Variants in GALNT13 observed in about 807,000 individuals in gnomAD.
GALNT13 encodes UDP-GalNAc:polypeptide N-acetylgalactosaminyltransferase 13.
In GALNT13, 28 loss-of-function variants were observed where a neutral mutation model predicts 64.2. The ratio of observed to expected loss-of-function variants is 0.44; its 90% CI spans 0.32 to 0.60. GALNT13 has a LOEUF of 0.60. Among genes scored for constraint, GALNT13 ranks in the 20% least tolerant of loss-of-function variants. The pLI is 0.05. For missense variants in GALNT13, 577 were observed against 669.8 expected (o/e 0.86, Z 1.53); for synonymous variants, 214 against 224.6 (o/e 0.95, Z 0.42).
chr2:153,723,298 A>G, the GALNT13 span, among the ~76,000 whole-genome samples: 28 of 150,600 alleles, frequency 1.9e-4, no homozygotes, highest in East Asian at 3.9e-4. Context: ...TTGATGGGAC[A>G]TATTTCAAAA....
chr2:154,381,882 T>C (rs184800419), intron 9 of GALNT13, among the ~76,000 whole-genome samples: 3 of 152,208 alleles, frequency 2.0e-5, no homozygotes, highest in East Asian at 1.9e-4. Flanking sequence ...ACCAGTGATT[T>C]TGAGATATGC....
rs984813225 is a variant in GALNT13 at position 154,443,164 on chromosome 2, A to G, written c.1530+4438A>G. ...AATTTACCTTTTGAAGGTTGTGTGC[A>G]TTACACAGTTATTACCTTTCCATAT... On this transcript the variant is annotated intron_variant, in intron 12 of 12. Coordinates refer to ENST00000392825, the MANE Select transcript of GALNT13 (RefSeq NM_052917.4). Among the ~76,000 whole-genome samples, 57 of 152,104 alleles carry G rather than the reference A, an allele frequency of 3.7e-4. 1 individual carries two copies. Among genetic ancestry groups the G allele is most frequent in the Admixed American group, 2.0e-4 (3 of 15,234 alleles).
At chr2:154,225,444 C>T (rs1425656511) in intron 4 of GALNT13, among the ~76,000 whole-genome samples, 1 of 151,940 alleles carries the variant, frequency 6.6e-6, no homozygotes, top group African/African-American at 2.4e-5. Context: ...TTTGGCAATA[C>T]CTAATAAAAC....
At chr2:153,418,921 TTGCTGTGGAGTAGTGAC>T in the GALNT13 span, among the ~76,000 whole-genome samples, 1 of 152,128 alleles carries the variant, frequency 6.6e-6, no homozygotes, top group Non-Finnish European at 1.5e-5. Flanking sequence ...GGAGAAAGAA[TTGCTGTGGAGTAGTGAC>T]TGCTATGTGC....
At chr2:154,231,142 G>A (rs1307888192) in intron 4 of GALNT13, among the ~76,000 whole-genome samples, 1 of 151,664 alleles carries the variant, frequency 6.6e-6, no homozygotes, top group Non-Finnish European at 1.5e-5. Flanking sequence ...CCTTTCTTTA[G>A]TTTTCCCTAC....
At chr2:154,336,762 T>A (rs892592329) in intron 9 of GALNT13, among the ~76,000 whole-genome samples, 1 of 152,048 alleles carries the variant, frequency 6.6e-6, no homozygotes, top group Non-Finnish European at 1.5e-5. Flanking sequence ...AAAGTTTTAA[T>A]GTCCTAATGC....
chr2:154,067,983 A>T (rs1212174123), intron 3 of GALNT13, among the ~76,000 whole-genome samples: 1 of 152,092 alleles, frequency 6.6e-6, no homozygotes, highest in East Asian at 1.9e-4. Flanking sequence ...ATTATAAACC[A>T]GAGTATATAA....
intron 8 of GALNT13, among the ~76,000 whole-genome samples, chr2:154,284,198 T>C (rs1692126636): frequency 6.6e-6 from 1 of 152,148 alleles, no homozygotes; most frequent in African/African-American, 2.4e-5. Context: ...CACCCTGCAG[T>C]GCAATAGATC....
At chr2:153,557,959 A>C in the GALNT13 span, among the ~76,000 whole-genome samples, 6 of 152,098 alleles carry the variant, frequency 3.9e-5, no homozygotes, top group African/African-American at 1.2e-4. Context: ...GGCATTCCCT[A>C]GGAAAGCCTT....
At chr2:154,389,808 CA>C (rs545078060) in intron 9 of GALNT13, among the ~76,000 whole-genome samples, 6 of 151,346 alleles carry the variant, frequency 4.0e-5, no homozygotes, top group South Asian at 2.1e-4. Context: ...TATATAGCAG[CA>C]AAAAAAATGT....
the GALNT13 span, among the ~76,000 whole-genome samples, chr2:153,425,137 C>A: frequency 6.6e-6 from 1 of 151,404 alleles, no homozygotes; most frequent in Non-Finnish European, 1.5e-5. Flanking sequence ...GAAACACAAA[C>A]TAAAGAATAG....
chr2:153,827,195 A>G, the GALNT13 span, among the ~76,000 whole-genome samples: 1 of 152,032 alleles, frequency 6.6e-6, no homozygotes, highest in Non-Finnish European at 1.5e-5. Context: ...CCCGCTTTTA[A>G]AACCATTAGA....
At chr2:154,370,085 ACT>A (rs1469875725) in intron 9 of GALNT13, among the ~76,000 whole-genome samples, 1 of 151,896 alleles carries the variant, frequency 6.6e-6, no homozygotes, top group Non-Finnish European at 1.5e-5. Context: ...CCTCTGAAAG[ACT>A]CTATTTTCAA....
rs866168720 is a variant in GALNT13 at position 154,409,026 on chromosome 2, C to T, written c.1339C>T (p.Arg447Cys). ...CAATCAGTGTTTAGACAACATGGGC[C>T]GCAAGGAAAATGAAAAAGTGGGTAT... ...ETNQCLDNMG[R>C]KENEKVGIFN... The change falls in exon 11 of 13, where the codon CGC (arginine) becomes TGC (cysteine). Residue 447 changes from arginine to cysteine, a missense_variant. By Grantham distance (180) the Arg-to-Cys change is radical. Around this residue, in one of 3 missense-constraint regions of GALNT13, gnomAD observed 232 missense variants for 270.6 expected, o/e 0.86. Coordinates refer to ENST00000392825, the MANE Select transcript of GALNT13 (RefSeq NM_052917.4). The T allele has an allele frequency of 6.2e-6, 10 of 1,611,230 alleles. No individual in the cohort carries two copies. The highest frequency in any genetic ancestry group is 2.2e-5 in the East Asian group (1 of 44,722).
Position 153,872,527 on chromosome 2 carries a change from A to G in GALNT13, c.-177+224A>G, listed in dbSNP as rs562065634. Reference sequence around the variant, plus strand: ...CGAGTGCGCTCGCTTGCGGGGCTGCAGGTGTTGCGGGAGGACCGCGTGGCG... The same window carrying G: ...CGAGTGCGCTCGCTTGCGGGGCTGCGGGTGTTGCGGGAGGACCGCGTGGCG... On this transcript the variant is annotated intron_variant, in intron 1 of 12. Transcript: ENST00000392825. Among the ~76,000 whole-genome samples, 237 of 147,972 alleles carry G rather than the reference A, an allele frequency of 1.6e-3. 1 individual carries two copies. The highest frequency in any genetic ancestry group is 5.3e-3 in the African/African-American group (214 of 40,252).
chr2:153,803,357 A>G, the GALNT13 span, among the ~76,000 whole-genome samples: 2 of 152,204 alleles, frequency 1.3e-5, 1 homozygote, highest in South Asian at 4.1e-4. Flanking sequence ...AATGAGGTCA[A>G]TAAGGGTCTG....
At chr2:153,093,686 C>T in the GALNT13 span, among the ~76,000 whole-genome samples, 1 of 152,028 alleles carries the variant, frequency 6.6e-6, no homozygotes, top group African/African-American at 2.4e-5. Flanking sequence ...GTAATATTGG[C>T]CTCACAGAAT....
the GALNT13 span, among the ~76,000 whole-genome samples, chr2:153,435,857 A>G: frequency 9.9e-5 from 15 of 151,946 alleles, no homozygotes; most frequent in African/African-American, 3.6e-4. Context: ...AGAACTTCCA[A>G]CACTATGTTG....
intron 10 of GALNT13, among the ~76,000 whole-genome samples, chr2:154,407,766 T>C (rs1699617590): frequency 6.6e-6 from 1 of 152,080 alleles, no homozygotes. Flanking sequence ...GTCCAGTTTT[T>C]TCTAACATTT....
Sources: gnomAD v4.1 joint callset for allele counts (sites outside exome capture counted in the v4.1 genomes callset) on GRCh38, gnomAD v4.1.1 for gene constraint, gnomAD v4.1.1 regional missense constraint, MANE v1.5 for transcripts, NCBI Gene and HGNC (gene_info 2026-07-23, HGNC 2026-07-21) for gene names.